Variants in SRP54 observed in about 807,000 individuals in gnomAD.
SRP54 encodes the protein signal recognition particle 54.
SRP54 carries 10 observed loss-of-function variants against 64.8 expected under a neutral mutation model. The ratio of observed to expected loss-of-function variants is 0.15; its 90% CI spans 0.10 to 0.26. SRP54 has a LOEUF of 0.26. SRP54 is among the 10% of genes least tolerant of loss of function. The probability of loss-of-function intolerance (pLI) is 1.00; values close to 1 mark genes in which losing one functional copy is unlikely to be tolerated. For missense variants in SRP54, 325 were observed against 613.7 expected, an observed-to-expected ratio of 0.53 and a Z score of 4.97; for synonymous variants, 193 against 185.6, an observed-to-expected ratio of 1.04 and a Z score of -0.32.
chr14:35,029,455 T>C lies in SRP54; in HGVS notation c.*303T>C. 2 of 234,772 alleles carry C rather than the reference T, an allele frequency of 8.5e-6. No homozygotes were observed. The highest frequency in any genetic ancestry group is 1.7e-5 in the Non-Finnish European group (2 of 120,470). The allele number at this position is 234,772 out of a possible 1,614,324, so 14.5% of individuals were successfully genotyped here. A position where few individuals can be genotyped will look rare whatever the true frequency, so the allele number is the denominator to read the frequency against. On this transcript the variant is annotated 3_prime_UTR_variant, in exon 16 of 16. Transcript: ENST00000216774. ...GATGTAAAATTTTAGTACTTAAAGG[T>C]TTTTAATTATCTCGAAGGCCAAGCA...
chr14:35,016,543 C>T (rs896708445), intron 11 of SRP54, among the ~76,000 whole-genome samples: 2 of 152,220 alleles, frequency 1.3e-5, no homozygotes, highest in African/African-American at 4.8e-5. Flanking sequence ...CTGCTACTTG[C>T]ACTTCAGATT....
intron 1 of SRP54, among the ~76,000 whole-genome samples, chr14:34,989,815 T>C (rs2043955157): frequency 1.3e-5 from 2 of 152,142 alleles, no homozygotes; most frequent in Non-Finnish European, 2.9e-5. Flanking sequence ...ATAGTTAATA[T>C]GCTAGGTTTT....
At chr14:34,992,985 G>C (rs949222886) in intron 1 of SRP54, among the ~76,000 whole-genome samples, 1 of 151,864 alleles carries the variant, frequency 6.6e-6, no homozygotes, top group Non-Finnish European at 1.5e-5. Flanking sequence ...TCACACTCCT[G>C]AGTAGCTGGG....
At chr14:35,008,152 C>A (rs966362229) in intron 5 of SRP54, among the ~76,000 whole-genome samples, 7 of 152,078 alleles carry the variant, frequency 4.6e-5, no homozygotes, top group Non-Finnish European at 1.0e-4. Flanking sequence ...ACTTTTATTG[C>A]CCAAGCTTGA....
At chr14:35,009,581 A>G (rs543187395) in intron 7 of SRP54, among the ~76,000 whole-genome samples, 1 of 152,234 alleles carries the variant, frequency 6.6e-6, no homozygotes, top group Non-Finnish European at 1.5e-5. Flanking sequence ...ATGAGATTAA[A>G]CTTTTATGGA....
At chr14:35,028,289 G>A (rs1180667611) in intron 15 of SRP54, 106 bp downstream of exon 15, 3 of 672,760 alleles carry the variant, frequency 4.5e-6, no homozygotes, top group East Asian at 5.9e-5. Context: ...TTCAAAAGGT[G>A]TGTGATTTCA....
chr14:35,007,452 A>G, intron 5 of SRP54, 65 bp downstream of exon 5: 3 of 950,454 alleles, frequency 3.2e-6, no homozygotes, highest in Non-Finnish European at 4.4e-6. Context: ...CAAGTTTTGT[A>G]TTTAATATAA....
intron 14 of SRP54, chr14:35,027,879 A>G (rs1239094597): frequency 2.9e-6 from 1 of 347,710 alleles, no homozygotes; most frequent in Non-Finnish European, 5.2e-6. Context: ...TTTTATATAG[A>G]ATTTTACATG....
At chr14:35,005,824 T>A (rs1195868710) in intron 4 of SRP54, among the ~76,000 whole-genome samples, 1 of 152,168 alleles carries the variant, frequency 6.6e-6, no homozygotes, top group Admixed American at 6.6e-5. Context: ...AATTATTTTT[T>A]AAATGTCCCA....
intron 11 of SRP54, 32 bp downstream of exon 11, chr14:35,014,862 A>G: frequency 6.6e-7 from 1 of 1,510,514 alleles, no homozygotes; most frequent in Non-Finnish European, 9.1e-7. Flanking sequence ...ACTTCATCTC[A>G]GATTTCTTCC....
intron 1 of SRP54, among the ~76,000 whole-genome samples, chr14:34,996,260 T>A (rs1407636235): frequency 6.6e-6 from 1 of 152,180 alleles, no homozygotes; most frequent in Non-Finnish European, 1.5e-5. Flanking sequence ...TCAAAATAGT[T>A]TGCAGAGTCC....
intron 4 of SRP54, among the ~76,000 whole-genome samples, chr14:35,001,698 G>C (rs1192456223): frequency 6.6e-6 from 1 of 152,156 alleles, no homozygotes; most frequent in Non-Finnish European, 1.5e-5. Flanking sequence ...CGTTGTGTAA[G>C]GAATTCCCTT....
At chr14:35,002,345 C>T (rs577552855) in intron 4 of SRP54, among the ~76,000 whole-genome samples, 4 of 152,032 alleles carry the variant, frequency 2.6e-5, no homozygotes, top group Non-Finnish European at 5.9e-5. Context: ...GAGGGTGAGA[C>T]CCTGTCTTTA....
intron 13 of SRP54, among the ~76,000 whole-genome samples, chr14:35,020,407 AT>A (rs1400313694): frequency 1.3e-5 from 2 of 152,152 alleles, no homozygotes; most frequent in Non-Finnish European, 2.9e-5. Flanking sequence ...TTCACAAAAG[AT>A]TTCTCTGTAG....
In SRP54 at chr14:35,029,290, C is replaced by T. The variant is rs1595021861; in HGVS notation, c.*138C>T. The T allele has an allele frequency of 1.9e-6, 1 of 528,992 alleles. No individual in the cohort carries two copies. Among genetic ancestry groups the T allele is most frequent in the East Asian group, 3.3e-5 (1 of 30,424 alleles). The allele number at this position is 528,992 out of a possible 1,614,324, so 32.8% of individuals were successfully genotyped here. On this transcript the variant is annotated 3_prime_UTR_variant, in exon 16 of 16. Coordinates refer to ENST00000216774, the MANE Select transcript of SRP54 (RefSeq NM_003136.4). Reference sequence around the variant, plus strand: ...CACTCTTTCCTTTTCTTCTCGCCCGCTTTTCCCCTCCTTTTCTTTTTCCTT... The same window carrying T: ...CACTCTTTCCTTTTCTTCTCGCCCGTTTTTCCCCTCCTTTTCTTTTTCCTT...
At chr14:35,025,567 A>AG (rs2044608160) in intron 14 of SRP54, among the ~76,000 whole-genome samples, 1 of 152,230 alleles carries the variant, frequency 6.6e-6, no homozygotes, top group South Asian at 2.1e-4. Context: ...CCCTCAATAA[A>AG]GGAATAACCC....
intron 13 of SRP54, among the ~76,000 whole-genome samples, chr14:35,020,122 T>TTGCAG (rs2044502870): frequency 6.6e-6 from 1 of 151,992 alleles, no homozygotes; most frequent in South Asian, 2.1e-4. Flanking sequence ...GAGGCGGAGG[T>TTGCAG]TGCAGTGAGC....
chr14:35,027,267 T>A (rs531704875), intron 14 of SRP54, among the ~76,000 whole-genome samples: 1 of 151,794 alleles, frequency 6.6e-6, no homozygotes, highest in East Asian at 2.0e-4. Context: ...TGACCTCAAG[T>A]GATCTGCCAG....
At chr14:35,018,866 T>A in intron 12 of SRP54, 100 bp from the exon 13 acceptor site, 1 of 1,417,990 alleles carries the variant, frequency 7.1e-7, no homozygotes, top group Non-Finnish European at 9.8e-7. Flanking sequence ...TAAAAATATA[T>A]CTAAGACTTA....
Sources: allele counts gnomAD v4.1 joint callset (sites outside exome capture counted in the v4.1 genomes callset), GRCh38; gene constraint gnomAD v4.1.1; transcripts MANE v1.5; gene names NCBI Gene and HGNC (gene_info 2026-07-23, HGNC 2026-07-21).